Variants in NCOA1 observed in about 807,000 individuals in gnomAD.
NCOA1 encodes the protein Hin-2 protein.
NCOA1 carries 35 observed loss-of-function variants against 150.9 expected under a neutral mutation model. That is an observed-to-expected ratio of 0.23 (90% confidence interval 0.18 to 0.31). The LOEUF (loss-of-function observed/expected upper bound fraction) is 0.31, where lower values mean the gene tolerates loss of function less well. Among genes scored for constraint, NCOA1 ranks in the 10% least tolerant of loss-of-function variants. NCOA1 has a pLI of 1.00. For missense variants in NCOA1, 1,491 were observed against 1,749.3 expected (o/e 0.85, Z 2.63); for synonymous variants, 590 against 630.0 (o/e 0.94, Z 0.95).
chr2:24,665,893 G>T lies in NCOA1; in HGVS notation c.234G>T (p.Gln78His). Residue 78 changes from glutamine to histidine, a missense_variant, in exon 6 of 23, where the codon CAG (glutamine) becomes CAT (histidine). Coordinates refer to ENST00000348332, the MANE Select transcript of NCOA1 (RefSeq NM_003743.5). ...KILKKTVDQI[Q>H]LMKRMEQEKS... ...TGAAGAAAACAGTCGATCAGATACA[G>T]CTAATGAAGAGAATGGAACAAGGTA... 1 of 1,566,208 alleles carries T rather than the reference G, an allele frequency of 6.4e-7. No individual in the cohort carries two copies. Among genetic ancestry groups the T allele is most frequent in the Non-Finnish European group, 8.7e-7 (1 of 1,155,380 alleles).
chr2:24,741,384 A>T (rs1041719042), intron 18 of NCOA1, among the ~76,000 whole-genome samples: 1 of 152,200 alleles, frequency 6.6e-6, no homozygotes, highest in Non-Finnish European at 1.5e-5. Flanking sequence ...AGGATAGGAC[A>T]GAAGTCATCA....
intron 3 of NCOA1, among the ~76,000 whole-genome samples, chr2:24,633,701 A>T (rs970589535): frequency 6.6e-6 from 1 of 152,168 alleles, no homozygotes; most frequent in Non-Finnish European, 1.5e-5. Context: ...ATTGGGAAGG[A>T]TATGGGGAAA....
At chr2:24,559,765 G>A (rs1459960983) in intron 1 of NCOA1, among the ~76,000 whole-genome samples, 1 of 36,344 alleles carries the variant, frequency 2.8e-5, no homozygotes, top group Non-Finnish European at 5.4e-5. Context: ...TTCCTGCTCT[G>A]TACTCCACCA....
In NCOA1 at chr2:24,764,193, A is replaced by G. The variant is rs1472623358; in HGVS notation, c.4155+1417A>G. Among the ~76,000 whole-genome samples, 3 of 152,152 alleles carry G rather than the reference A, an allele frequency of 2.0e-5. No individual in the cohort carries two copies. The East Asian group carries it at 5.8e-4, about 29-fold the overall frequency. ...ACTGAACATGAGGAGGTTTAACTACATGTACCATTCACAGTGCTAGAAAGA... is the reference window on the plus strand; with the variant it reads ...ACTGAACATGAGGAGGTTTAACTACGTGTACCATTCACAGTGCTAGAAAGA... On this transcript the variant is annotated intron_variant, in intron 22 of 22. Transcript: ENST00000348332.
intron 1 of NCOA1, among the ~76,000 whole-genome samples, chr2:24,499,856 G>A (rs1172954473): frequency 2.0e-5 from 3 of 152,304 alleles, no homozygotes; most frequent in South Asian, 2.1e-4. Flanking sequence ...CTCGTTACAC[G>A]GAGGGAACAG....
Position 24,762,746 on chromosome 2 carries a change from CCTT to C in NCOA1, c.4128_4130del (p.Leu1377del), listed in dbSNP as rs1664850440. 2.5e-6 allele frequency: 4 copies of C among 1,613,914 alleles called. No homozygotes were observed. In the African/African-American group the frequency reaches 4.0e-5, roughly 16 times the overall value. On this transcript the variant is annotated inframe_deletion, in exon 22 of 23. Transcript: ENST00000348332. Reference sequence around the variant, plus strand: ...ACTGCAACCAGCTCTCATCCACTGACCTTCTCAAAACAGAAGCAGATGGAACCC... The same window carrying C: ...ACTGCAACCAGCTCTCATCCACTGACCTCAAAACAGAAGCAGATGGAACCC...
At chr2:24,604,780 C>T (rs1396958426) in intron 3 of NCOA1, among the ~76,000 whole-genome samples, 1 of 152,208 alleles carries the variant, frequency 6.6e-6, no homozygotes, top group Admixed American at 6.5e-5. Flanking sequence ...GCTGGAGTAG[C>T]ACTTTAAATT....
At chr2:24,766,300 A>G (rs925804771) in intron 22 of NCOA1, among the ~76,000 whole-genome samples, 2 of 152,190 alleles carry the variant, frequency 1.3e-5, no homozygotes, top group African/African-American at 4.8e-5. Context: ...AGGGACAAAA[A>G]CATCTTATGC....
intron 7 of NCOA1, among the ~76,000 whole-genome samples, chr2:24,674,123 ATGTGTG>A (rs146841550): frequency 7.6e-5 from 11 of 145,596 alleles, no homozygotes; most frequent in African/African-American, 2.5e-4. Context: ...ATATGTATGT[ATGTGTG>A]TGTGTGTGTG....
intron 1 of NCOA1, among the ~76,000 whole-genome samples, chr2:24,551,815 A>G (rs1665843544): frequency 6.6e-6 from 1 of 152,194 alleles, no homozygotes; most frequent in Admixed American, 6.5e-5. Flanking sequence ...TGTGTAAGAC[A>G]TGAGGTGTGG....
At chr2:24,639,943 TATA>T (rs1250430562) in intron 3 of NCOA1, among the ~76,000 whole-genome samples, 22 of 35,584 alleles carry the variant, frequency 6.2e-4, no homozygotes, top group Admixed American at 2.1e-3. Context: ...TATATATATA[TATA>T]TATATATATA....
chr2:24,600,145 A>C (rs1668052684), intron 3 of NCOA1, among the ~76,000 whole-genome samples: 1 of 152,192 alleles, frequency 6.6e-6, no homozygotes, highest in African/African-American at 2.4e-5. Context: ...TATCAGTCTC[A>C]GAAGTTCGTC....
In NCOA1 at chr2:24,711,111, A is replaced by G. The variant is rs1673727073; in HGVS notation, c.2599A>G (p.Arg867Gly). The G allele has an allele frequency of 1.2e-6, 2 of 1,612,400 alleles. No homozygotes were observed. Among genetic ancestry groups the G allele is most frequent in the Non-Finnish European group, 1.7e-6 (2 of 1,179,340 alleles). The stretch of plus-strand genomic sequence containing the variant: ...TGCCAGACCCACTTCCAGGCTAAAT[A>G]GTATGTTCTGGGGACAACACCTCAT... ...ATARPTSRLN[R>G]LPELELEAID... Residue 867 changes from arginine (R) to glycine (G), a missense_variant and splice_region_variant, in exon 14 of 23, where the codon AGA becomes GGA. Physicochemically the swap from Arg to Gly is moderately radical, Grantham distance 125. Coordinates refer to ENST00000348332, the MANE Select transcript of NCOA1 (RefSeq NM_003743.5).
intron 20 of NCOA1, among the ~76,000 whole-genome samples, chr2:24,752,480 C>A (rs988137408): frequency 2.0e-5 from 3 of 152,084 alleles, no homozygotes; most frequent in African/African-American, 4.8e-5. Flanking sequence ...ATTTTTAAAT[C>A]TTATAAGTAT....
chr2:24,675,623 G>A (rs1398229960), intron 7 of NCOA1, among the ~76,000 whole-genome samples: 2 of 152,184 alleles, frequency 1.3e-5, no homozygotes, highest in Admixed American at 1.3e-4. Flanking sequence ...GGTGCATCAC[G>A]CCTATAATCC....
chr2:24,593,023 G>C (rs544365991), intron 3 of NCOA1, among the ~76,000 whole-genome samples: 1 of 151,992 alleles, frequency 6.6e-6, no homozygotes, highest in South Asian at 2.1e-4. Flanking sequence ...GGATGAAGTC[G>C]TGAAGTTGTA....
chr2:24,713,865 T>C (rs1361294091), intron 14 of NCOA1, among the ~76,000 whole-genome samples: 1 of 152,194 alleles, frequency 6.6e-6, no homozygotes, highest in Non-Finnish European at 1.5e-5. Flanking sequence ...CTGAACAAAG[T>C]ACCCGAGAAG....
rs1006880434 is a variant in NCOA1, at chr2:24,664,618, G to A, written c.90-1131G>A. ...AGCTACTTGGGAGGCTGAGGCAGAA[G>A]AATCACTTGAACCCGGGAGGCAGAG... On this transcript the variant is annotated intron_variant, in intron 5 of 22. Transcript: ENST00000348332. Among the ~76,000 whole-genome samples the A allele has an allele frequency of 9.9e-5, 15 of 152,110 alleles. No individual in the cohort carries two copies. In the East Asian group the frequency reaches 2.9e-3, roughly 29 times the overall value.
At chr2:24,512,540 A>G (rs1205968881) in intron 1 of NCOA1, among the ~76,000 whole-genome samples, 2 of 152,226 alleles carry the variant, frequency 1.3e-5, no homozygotes, top group Non-Finnish European at 2.9e-5. Context: ...GCCCTTGGTA[A>G]TGACTACCCA....
Sources: gnomAD v4.1 joint callset for allele counts (sites outside exome capture counted in the v4.1 genomes callset) on GRCh38, gnomAD v4.1.1 for gene constraint, MANE v1.5 for transcripts, NCBI Gene and HGNC (gene_info 2026-07-23, HGNC 2026-07-21) for gene names.